CTPS2: variants seen among roughly 807,000 people sequenced by gnomAD.
CTPS2 encodes CTP synthase 2.
CTPS2 carries 19 observed loss-of-function variants against 46.8 expected under a neutral mutation model. The ratio of observed to expected loss-of-function variants is 0.41; its 90% CI spans 0.28 to 0.60. The LOEUF (loss-of-function observed/expected upper bound fraction) is 0.60, where lower values mean the gene tolerates loss of function less well. Ranked by LOEUF, CTPS2 falls within the 20% of genes least tolerant of loss-of-function variation. The pLI, the probability that CTPS2 is intolerant of heterozygous loss-of-function variation, is 0.35. For synonymous variants in CTPS2, 151 were observed against 165.2 expected (o/e 0.91, Z 0.66); for missense variants, 286 against 447.6 (o/e 0.64, Z 3.26).
chrX:16,601,304 G>A (rs960751824), intron 17 of CTPS2, among the ~76,000 whole-genome samples: 4 of 110,875 alleles, frequency 3.6e-5, no homozygotes, highest in Admixed American at 9.6e-5. Flanking sequence ...CACCCTCTGT[G>A]AACAATGGAG....
chrX:16,666,999 T>C (rs1304947827), intron 13 of CTPS2, among the ~76,000 whole-genome samples: 1 of 111,106 alleles, frequency 9.0e-6, no homozygotes, highest in Non-Finnish European at 1.9e-5. Context: ...CAAAGAGAAA[T>C]CAGTCCAGGA....
At chrX:16,668,766 AAGGAAAGG>A (rs1465571485) in intron 11 of CTPS2, among the ~76,000 whole-genome samples, 45 of 78,976 alleles carry the variant, frequency 5.7e-4, no homozygotes, top group South Asian at 3.0e-3. Flanking sequence ...GGAAGGAAGG[AAGGAAAGG>A]AAGGAAGGAA....
chrX:16,599,089 G>A (rs372946404), intron 17 of CTPS2, among the ~76,000 whole-genome samples: 1 of 111,480 alleles, frequency 9.0e-6, no homozygotes, highest in South Asian at 3.7e-4. Flanking sequence ...ATGACAAACC[G>A]ACAGCCAATA....
intron 1 of CTPS2, chrX:16,711,504 AG>A (rs1046502440): frequency 4.5e-5 from 5 of 111,135 alleles, no homozygotes; most frequent in African/African-American, 1.6e-4. Flanking sequence ...GACACAAAAG[AG>A]TACTTACCTG....
At chrX:16,609,410 A>G (rs1427305682) in intron 17 of CTPS2, 131 bp downstream of exon 17, 2 of 638,593 alleles carry the variant, frequency 3.1e-6, no homozygotes, top group African/African-American at 4.5e-5. Flanking sequence ...AGAGAAGAAA[A>G]TTATGTTTAA....
At chrX:16,668,955 T>C (rs1921478092) in intron 11 of CTPS2, among the ~76,000 whole-genome samples, 1 of 111,463 alleles carries the variant, frequency 9.0e-6, no homozygotes, top group Non-Finnish European at 1.9e-5. Context: ...GGGAGTTTCC[T>C]GGGCTAAGAT....
At chrX:16,683,018 A>G (rs1922867452) in intron 9 of CTPS2, 76 bp downstream of exon 9, 5 of 1,140,908 alleles carry the variant, frequency 4.4e-6, no homozygotes, top group Non-Finnish European at 6.0e-6. Context: ...GGACCCTTTA[A>G]CAAAACTTGC....
Position 16,690,559 on chromosome X carries a change from A to G in CTPS2, c.721-958T>C, listed in dbSNP as rs772945676. Among the ~76,000 whole-genome samples, 4 of 111,238 alleles carry G rather than the reference A, an allele frequency of 3.6e-5. No homozygotes were observed. In the South Asian group the frequency reaches 1.5e-3, roughly 42 times the overall value. On this transcript the variant is annotated intron_variant, in intron 7 of 18. Coordinates refer to ENST00000359276, the MANE Select transcript of CTPS2 (RefSeq NM_175859.3). ...CAAGATGCCAAAATTCAATTTGATCATTTTTAGACTTCAGAGAACCCAGAG... is the reference window on the plus strand; with the variant it reads ...CAAGATGCCAAAATTCAATTTGATCGTTTTTAGACTTCAGAGAACCCAGAG...
intron 8 of CTPS2, among the ~76,000 whole-genome samples, chrX:16,684,817 G>A (rs185327806): frequency 7.9e-4 from 88 of 111,852 alleles, no homozygotes; most frequent in Admixed American, 1.1e-3. Context: ...CGGGCCGGGC[G>A]TGGTGACTCA....
At position 16,670,696 on chromosome X, in the gene CTPS2, G is replaced by A. The variant is rs765094090; in HGVS notation, c.1095-22C>T. On this transcript the variant is annotated intron_variant, in intron 10 of 18. Transcript: ENST00000359276. ...ACCACTGAAATCAATACAAAATGAGGGTAAACTTGACTATCCATTTTTTTT... is the reference window on the plus strand; with the variant it reads ...ACCACTGAAATCAATACAAAATGAGAGTAAACTTGACTATCCATTTTTTTT... 2.7e-6 allele frequency: 3 copies of A among 1,100,104 alleles called. No individual in the cohort carries two copies. In the Middle Eastern group the frequency reaches 7.4e-4, roughly 273 times the overall value. 90.7% of individuals were successfully genotyped at this position (1,100,104 alleles called of 1,213,427 possible). A position where few individuals can be genotyped will look rare whatever the true frequency, so the allele number is the denominator to read the frequency against.
chrX:16,601,239 C>G (rs753200000), intron 17 of CTPS2, among the ~76,000 whole-genome samples: 1 of 110,927 alleles, frequency 9.0e-6, no homozygotes, highest in South Asian at 3.9e-4. Context: ...TCTCCAAGTC[C>G]AAGAGAGAGC....
chrX:16,611,757 T>C (rs766271903), intron 16 of CTPS2, among the ~76,000 whole-genome samples: 2 of 110,758 alleles, frequency 1.8e-5, no homozygotes, highest in African/African-American at 3.3e-5. Context: ...CCCAGAAAAA[T>C]CCAGTGTAGA....
In CTPS2 at chrX:16,588,458, G is replaced by C. The variant is rs1448506714; in HGVS notation, c.*1359C>G. ...ATTTTCTTTGTATGACTAAAGCCTC[G>C]AGGTTAGCAGGTATGGTGTCAATGA... On this transcript the variant is annotated 3_prime_UTR_variant, in exon 19 of 19. Transcript: ENST00000359276. 1 of 111,563 alleles carries C rather than the reference G, an allele frequency of 9.0e-6. No homozygotes were observed. The highest frequency in any genetic ancestry group is 1.9e-5 in the Non-Finnish European group (1 of 53,148). The allele number at this position is 111,563 out of a possible 1,213,427, so 9.2% of individuals were successfully genotyped here. A position where few individuals can be genotyped will look rare whatever the true frequency, so the allele number is the denominator to read the frequency against.
In CTPS2 at chrX:16,644,383, C is replaced by A. The variant is rs764573292; in HGVS notation, c.1297-5140G>T. On this transcript the variant is annotated intron_variant, in intron 13 of 18. Coordinates refer to ENST00000359276, the MANE Select transcript of CTPS2 (RefSeq NM_175859.3). ...GAACTCCTGGCTTCAAATGATCCTCCAGCCTTGGCCTCCCAAAGTTCTGGG... is the reference window on the plus strand; with the variant it reads ...GAACTCCTGGCTTCAAATGATCCTCAAGCCTTGGCCTCCCAAAGTTCTGGG... Among the ~76,000 whole-genome samples, 7 of 111,631 alleles carry A rather than the reference C, an allele frequency of 6.3e-5. No individual in the cohort carries two copies. The East Asian group carries it at 2.0e-3, about 31-fold the overall frequency.
At chrX:16,662,344 G>A (rs1932981806) in intron 13 of CTPS2, among the ~76,000 whole-genome samples, 1 of 111,357 alleles carries the variant, frequency 9.0e-6, no homozygotes, top group African/African-American at 3.3e-5. Context: ...TTCTCTCCTG[G>A]GCACTCTGAG....
Position 16,588,401 on chromosome X carries a change from A to C in CTPS2, c.*1416T>G, listed in dbSNP as rs1345691518. 8.9e-6 allele frequency: 1 copy of C among 112,195 alleles called. No individual in the cohort carries two copies. Among genetic ancestry groups the C allele is most frequent in the Non-Finnish European group, 1.9e-5 (1 of 53,316 alleles). 9.2% of individuals were successfully genotyped at this position (112,195 alleles called of 1,213,427 possible). ...TAAGTAAAAGACATGGTTAAGCATT[A>C]TGAGAGCACAGAAGAACAATACAGA... On this transcript the variant is annotated 3_prime_UTR_variant, in exon 19 of 19. Coordinates refer to ENST00000359276, the MANE Select transcript of CTPS2 (RefSeq NM_175859.3).
chrX:16,663,898 C>G lies in CTPS2; in HGVS notation c.1296+3616G>C, dbSNP rs777963226. Reference sequence around the variant, plus strand: ...TCACCCAGGCTGGAGTACAGTGGTGCAATCTCGGCTCACTGGAAGCTCTGC... The same window carrying G: ...TCACCCAGGCTGGAGTACAGTGGTGGAATCTCGGCTCACTGGAAGCTCTGC... On this transcript the variant is annotated intron_variant, in intron 13 of 18. Transcript: ENST00000359276. 3.6e-5 allele frequency among the ~76,000 whole-genome samples: 4 copies of G among 110,747 alleles called. No homozygotes were observed. In the South Asian group the frequency reaches 1.5e-3, roughly 43 times the overall value.
chrX:16,701,262 GTGCAGTGGCTCATGCCTGT>G (rs1225604475), intron 2 of CTPS2, among the ~76,000 whole-genome samples: 5 of 111,838 alleles, frequency 4.5e-5, no homozygotes, highest in Admixed American at 2.9e-4. Context: ...TCAAGGCCTG[GTGCAGTGGCTCATGCCTGT>G]TGCAGTGGCT....
At chrX:16,708,070 C>T (rs1292211528) in intron 1 of CTPS2, among the ~76,000 whole-genome samples, 3 of 112,262 alleles carry the variant, frequency 2.7e-5, no homozygotes, top group Non-Finnish European at 5.6e-5. Flanking sequence ...TGTAATTTCA[C>T]AATTTTTTTA....
Sources: allele counts gnomAD v4.1 joint callset (sites outside exome capture counted in the v4.1 genomes callset), GRCh38; gene constraint gnomAD v4.1.1; transcripts MANE v1.5; gene names NCBI Gene and HGNC (gene_info 2026-07-23, HGNC 2026-07-21).